Variants in TMEM132D observed in about 807,000 individuals in gnomAD.
The protein encoded by TMEM132D is mature OL transmembrane protein.
Under a neutral mutation model 62.3 loss-of-function variants are expected in TMEM132D, and 21 were observed. The observed-to-expected ratio is 0.34, with a 90% CI of 0.24 to 0.49. The LOEUF is 0.49. TMEM132D is among the 20% of genes least tolerant of loss of function. The pLI, the probability that TMEM132D is intolerant of heterozygous loss-of-function variation, is 0.99. For missense variants in TMEM132D, 1,346 were observed against 1,402.8 expected, an observed-to-expected ratio of 0.96 and a Z score of 0.65; for synonymous variants, 621 against 575.6, an observed-to-expected ratio of 1.08 and a Z score of -1.13.
intron 7 of TMEM132D, among the ~76,000 whole-genome samples, chr12:129,079,707 A>G (rs1874391795): frequency 6.6e-6 from 1 of 152,192 alleles, no homozygotes; most frequent in South Asian, 2.1e-4. Context: ...AAAGCTCCAT[A>G]CTTCTACCCG....
chr12:129,226,604 C>T (rs1261297567), intron 4 of TMEM132D, among the ~76,000 whole-genome samples: 1 of 152,212 alleles, frequency 6.6e-6, no homozygotes, highest in Admixed American at 6.5e-5. Flanking sequence ...CAGGTAATTG[C>T]TGCCTTATAG....
At chr12:129,281,600 A>G (rs1881154789) in intron 4 of TMEM132D, among the ~76,000 whole-genome samples, 1 of 151,414 alleles carries the variant, frequency 6.6e-6, no homozygotes, top group African/African-American at 2.4e-5. Context: ...ACTCATGGAG[A>G]CCAGAAGGAA....
chr12:129,339,074 C>T (rs1340537676), intron 3 of TMEM132D, among the ~76,000 whole-genome samples: 1 of 151,948 alleles, frequency 6.6e-6, no homozygotes, highest in Non-Finnish European at 1.5e-5. Context: ...AGTTTGAGAC[C>T]AGCTTGGCCA....
chr12:129,510,124 T>C (rs1438928591), intron 3 of TMEM132D, among the ~76,000 whole-genome samples: 1 of 152,142 alleles, frequency 6.6e-6, no homozygotes, highest in Non-Finnish European at 1.5e-5. Flanking sequence ...ATGTCCTCAC[T>C]AGCATTTATT....
At chr12:129,526,473 C>T (rs374823705) in intron 3 of TMEM132D, among the ~76,000 whole-genome samples, 8 of 152,108 alleles carry the variant, frequency 5.3e-5, no homozygotes, top group Middle Eastern at 3.4e-3. Context: ...TTAGTAGAGA[C>T]GGGGTTTCAC....
chr12:129,704,588 G>A (rs762017279), intron 1 of TMEM132D, among the ~76,000 whole-genome samples: 3 of 152,140 alleles, frequency 2.0e-5, no homozygotes, highest in Admixed American at 6.5e-5. Context: ...TGTGGCCCCT[G>A]CACCCAACTC....
At chr12:129,345,495 C>A (rs1869651586) in intron 3 of TMEM132D, among the ~76,000 whole-genome samples, 1 of 152,160 alleles carries the variant, frequency 6.6e-6, no homozygotes, top group South Asian at 2.1e-4. Flanking sequence ...CTATGTAATA[C>A]TGGTATTTGG....
chr12:129,295,213 A>G (rs1366742905), intron 4 of TMEM132D, among the ~76,000 whole-genome samples: 2 of 152,114 alleles, frequency 1.3e-5, no homozygotes, highest in Non-Finnish European at 2.9e-5. Context: ...CTGGCTAGAC[A>G]CTACGGAACA....
At chr12:129,306,129 A>G (rs1004523480) in intron 4 of TMEM132D, among the ~76,000 whole-genome samples, 1 of 152,164 alleles carries the variant, frequency 6.6e-6, no homozygotes, top group African/African-American at 2.4e-5. Flanking sequence ...TGGAAAAGTT[A>G]CAATGCTTAT....
intron 4 of TMEM132D, among the ~76,000 whole-genome samples, chr12:129,267,936 G>T (rs1367107640): frequency 6.6e-6 from 1 of 152,144 alleles, no homozygotes; most frequent in African/African-American, 2.4e-5. Context: ...AATGGGGAAA[G>T]GATTCCCTAT....
intron 4 of TMEM132D, among the ~76,000 whole-genome samples, chr12:129,282,002 C>A (rs2135610467): frequency 6.6e-6 from 1 of 152,284 alleles, no homozygotes; most frequent in East Asian, 1.9e-4. Context: ...GGTTTCCTGC[C>A]TTGCCTGATT....
At chr12:129,853,542 A>C (rs1048565947) in intron 1 of TMEM132D, 2 of 152,146 alleles carry the variant, frequency 1.3e-5, no homozygotes, top group Admixed American at 6.5e-5. Context: ...TATAAACTAA[A>C]ATCATGTGAA....
intron 4 of TMEM132D, among the ~76,000 whole-genome samples, chr12:129,305,917 A>G (rs1881837063): frequency 6.6e-6 from 1 of 152,230 alleles, no homozygotes; most frequent in South Asian, 2.1e-4. Flanking sequence ...GAAAAAAATC[A>G]TAATTAGAAC....
At chr12:129,325,589 A>G (rs1399449496) in intron 4 of TMEM132D, among the ~76,000 whole-genome samples, 1 of 152,202 alleles carries the variant, frequency 6.6e-6, no homozygotes, top group African/African-American at 2.4e-5. Context: ...TGGGCTTGGC[A>G]GCTGGCATAA....
intron 5 of TMEM132D, among the ~76,000 whole-genome samples, chr12:129,094,940 C>T (rs1465635088): frequency 6.6e-6 from 1 of 150,624 alleles, no homozygotes; most frequent in Admixed American, 6.7e-5. Flanking sequence ...GGACAAAAAA[C>T]CAAACACCGC....
intron 1 of TMEM132D, among the ~76,000 whole-genome samples, chr12:129,860,175 A>G (rs1439518942): frequency 6.6e-6 from 1 of 152,182 alleles, no homozygotes; most frequent in Non-Finnish European, 1.5e-5. Context: ...GCCTCTGTGG[A>G]CATTTGAGAA....
intron 3 of TMEM132D, among the ~76,000 whole-genome samples, chr12:129,500,738 C>T (rs757566759): frequency 1.3e-5 from 2 of 152,176 alleles, no homozygotes; most frequent in Non-Finnish European, 2.9e-5. Flanking sequence ...GGCTGCATTC[C>T]TCTGCGATAA....
chr12:129,527,786 C>T (rs1014778428), intron 3 of TMEM132D, among the ~76,000 whole-genome samples: 2 of 152,196 alleles, frequency 1.3e-5, no homozygotes, highest in Non-Finnish European at 2.9e-5. Flanking sequence ...CTGCAGGCAA[C>T]GCTTAATCAA....
intron 4 of TMEM132D, among the ~76,000 whole-genome samples, chr12:129,245,743 A>G (rs1880084128): frequency 1.3e-5 from 2 of 152,194 alleles, no homozygotes; most frequent in Non-Finnish European, 2.9e-5. Context: ...CAGACGGTAG[A>G]GAAAGAAGAA....
Sources: gnomAD v4.1 joint callset for allele counts (sites outside exome capture counted in the v4.1 genomes callset) on GRCh38, gnomAD v4.1.1 for gene constraint, MANE v1.5 for transcripts, NCBI Gene and HGNC (gene_info 2026-07-23, HGNC 2026-07-21) for gene names.